The following PLCB1 variants were observed in gnomAD, a reference collection of about 807,000 sequenced individuals.
PLCB1 encodes the protein phospholipase C beta 1.
In PLCB1, 46 loss-of-function variants were observed where a neutral mutation model predicts 161.8. The observed-to-expected ratio is 0.28, with a 90% CI of 0.22 to 0.36. PLCB1 has a LOEUF of 0.36. Ranked by LOEUF, PLCB1 falls within the 10% of genes least tolerant of loss-of-function variation. The pLI is 1.00. For missense variants in PLCB1, 1,016 were observed against 1,472.5 expected, an observed-to-expected ratio of 0.69 and a Z score of 5.07; for synonymous variants, 517 against 503.7, an observed-to-expected ratio of 1.03 and a Z score of -0.35.
chr20:8,687,019 A>AATTATTATTATTATT (rs35280507), intron 10 of PLCB1, among the ~76,000 whole-genome samples: 1 of 149,140 alleles, frequency 6.7e-6, no homozygotes, highest in African/African-American at 2.5e-5. Flanking sequence ...TACCAATTTA[A>AATTATTATTATTATT]ATTATTATTA....
chr20:8,584,703 T>C (rs898639632), intron 3 of PLCB1, among the ~76,000 whole-genome samples: 4 of 152,146 alleles, frequency 2.6e-5, no homozygotes, highest in African/African-American at 9.7e-5. Flanking sequence ...ATTCTCTTTT[T>C]TTTTTGAGAC....
chr20:8,759,557 A>G (rs546565161), intron 24 of PLCB1, among the ~76,000 whole-genome samples: 34 of 152,162 alleles, frequency 2.2e-4, no homozygotes, highest in African/African-American at 6.5e-4. Context: ...CTGGAGTGCA[A>G]TGGTGTGATC....
intron 3 of PLCB1, among the ~76,000 whole-genome samples, chr20:8,463,662 G>A (rs929933759): frequency 1.3e-5 from 2 of 152,096 alleles, no homozygotes; most frequent in African/African-American, 4.8e-5. Flanking sequence ...GAACTAGCTT[G>A]AAATTATATA....
rs1292482792 is a variant in PLCB1 at position 8,276,813 on chromosome 20, A to C, written c.178-94569A>C. The stretch of plus-strand genomic sequence containing the variant: ...AGTACTGTAAAGGATTCATATATAC[A>C]ACAGCACAACCATAGCCCCGCCATG... On this transcript the variant is annotated intron_variant, in intron 2 of 31. Transcript: ENST00000338037. 2.6e-5 allele frequency among the ~76,000 whole-genome samples: 4 copies of C among 152,060 alleles called. No homozygotes were observed. The South Asian group carries it at 8.3e-4, about 32-fold the overall frequency.
intron 2 of PLCB1, among the ~76,000 whole-genome samples, chr20:8,321,069 T>A (rs1274257486): frequency 6.6e-6 from 1 of 152,008 alleles, no homozygotes; most frequent in Admixed American, 6.6e-5. Flanking sequence ...ATTCCAATAT[T>A]TTTCTGTCAT....
chr20:8,879,843 C>T (rs192201956), intron 31 of PLCB1, among the ~76,000 whole-genome samples: 143 of 152,196 alleles, frequency 9.4e-4, no homozygotes, highest in Non-Finnish European at 1.7e-3. Flanking sequence ...TTCCAGGGAT[C>T]AGAACAAGCC....
At chr20:8,435,579 C>T (rs1267443467) in intron 3 of PLCB1, among the ~76,000 whole-genome samples, 1 of 152,118 alleles carries the variant, frequency 6.6e-6, no homozygotes, top group Non-Finnish European at 1.5e-5. Flanking sequence ...TCCGGAACTG[C>T]AAGCAGCCTC....
chr20:8,548,439 A>G (rs1407332246), intron 3 of PLCB1, among the ~76,000 whole-genome samples: 1 of 84,868 alleles, frequency 1.2e-5, no homozygotes, highest in Non-Finnish European at 2.3e-5. Context: ...TTCTTCTTTC[A>G]TCCTGTTTTC....
chr20:8,843,078 T>A (rs1463084682), intron 31 of PLCB1, among the ~76,000 whole-genome samples: 2 of 152,224 alleles, frequency 1.3e-5, no homozygotes, highest in African/African-American at 4.8e-5. Flanking sequence ...GAGTAATGGC[T>A]AAAACCACAA....
chr20:8,264,070 A>G (rs1981835931), intron 2 of PLCB1, among the ~76,000 whole-genome samples: 1 of 152,214 alleles, frequency 6.6e-6, no homozygotes, highest in African/African-American at 2.4e-5. Context: ...AAACACAAAC[A>G]CATTGTACAA....
chr20:8,655,053 TTTTC>T (rs1989420576), intron 7 of PLCB1, among the ~76,000 whole-genome samples: 1 of 152,064 alleles, frequency 6.6e-6, no homozygotes, highest in Non-Finnish European at 1.5e-5. Flanking sequence ...TATTGAAATA[TTTTC>T]TTTCTTCAAT....
chr20:8,196,667 AT>A (rs1399945906), intron 2 of PLCB1, among the ~76,000 whole-genome samples: 3,698 of 149,642 alleles, frequency 0.025, 169 homozygotes, highest in African/African-American at 0.085. Flanking sequence ...TATATATAAA[AT>A]ATATATATTT....
At chr20:8,383,209 C>T (rs1288972974) in intron 3 of PLCB1, among the ~76,000 whole-genome samples, 4 of 152,156 alleles carry the variant, frequency 2.6e-5, no homozygotes, top group Admixed American at 1.3e-4. Context: ...TTTTATGAAC[C>T]TGGATGCTCC....
intron 24 of PLCB1, among the ~76,000 whole-genome samples, chr20:8,759,758 C>A (rs1981918738): frequency 6.6e-6 from 1 of 152,108 alleles, no homozygotes; most frequent in Non-Finnish European, 1.5e-5. Context: ...CCTTGGCCTC[C>A]CAGCGTTTGA....
At chr20:8,358,474 C>T (rs1446412802) in intron 2 of PLCB1, among the ~76,000 whole-genome samples, 1 of 152,228 alleles carries the variant, frequency 6.6e-6, no homozygotes, top group African/African-American at 2.4e-5. Flanking sequence ...TAGTCTTGAA[C>T]TCCTGACCTC....
Position 8,144,148 on chromosome 20 carries a change from G to A in PLCB1, c.100-6146G>A, listed in dbSNP as rs143780191. ...TCCCCGCCACCCCAAAGGCCAATAA[G>A]TACATGAAAAGATGTTTAACATCAT... On this transcript the variant is annotated intron_variant, in intron 1 of 31. Coordinates refer to ENST00000338037, the MANE Select transcript of PLCB1 (RefSeq NM_015192.4). Among the ~76,000 whole-genome samples, 834 of 152,240 alleles carry A rather than the reference G, an allele frequency of 5.5e-3. 4 individuals are homozygous for A. The highest frequency in any genetic ancestry group is 8.3e-3 in the Admixed American group (127 of 15,272).
chr20:8,402,056 AT>A (rs1448302288), intron 3 of PLCB1, among the ~76,000 whole-genome samples: 1 of 152,130 alleles, frequency 6.6e-6, no homozygotes, highest in African/African-American at 2.4e-5. Context: ...TTCCCCTGAG[AT>A]CATTGACTTT....
chr20:8,136,544 T>A (rs988327234), intron 1 of PLCB1, among the ~76,000 whole-genome samples: 24 of 150,750 alleles, frequency 1.6e-4, no homozygotes, highest in African/African-American at 5.9e-4. Flanking sequence ...GAGAATGGCG[T>A]GAACCTGGGA....
chr20:8,475,308 G>A (rs559412863), intron 3 of PLCB1, among the ~76,000 whole-genome samples: 56 of 152,072 alleles, frequency 3.7e-4, no homozygotes, highest in Non-Finnish European at 6.5e-4. Flanking sequence ...CCTGGCAGCC[G>A]AGAGCAGTGG....
Sources: gnomAD v4.1 joint callset for allele counts (sites outside exome capture counted in the v4.1 genomes callset) on GRCh38, gnomAD v4.1.1 for gene constraint, MANE v1.5 for transcripts, NCBI Gene and HGNC (gene_info 2026-07-23, HGNC 2026-07-21) for gene names.